Variants in MCF2 observed in about 807,000 individuals in gnomAD.
The protein encoded by MCF2 is MCF.2 cell line derived transforming sequence, also known as proto-oncogene DBL.
In MCF2, 44 loss-of-function variants were observed where a neutral mutation model predicts 82.5. That is an observed-to-expected ratio of 0.53 (90% CI 0.42 to 0.69). The LOEUF (loss-of-function observed/expected upper bound fraction) is 0.69. Ranked by LOEUF, MCF2 falls within the 30% of genes least tolerant of loss-of-function variation. MCF2 has a pLI of 0.00. For synonymous variants in MCF2, 217 were observed against 224.9 expected (o/e 0.96, Z 0.32); for missense variants, 623 against 663.1 (o/e 0.94, Z 0.66).
intron 1 of MCF2, among the ~76,000 whole-genome samples, chrX:139,639,948 ATAT>A (rs10557539): frequency 0.52 from 57,500 of 109,686 alleles, 12,040 homozygotes; most frequent in Non-Finnish European, 0.67. Context: ...TCTTATATAT[ATAT>A]TATCTTATTT....
At chrX:139,595,537 T>C (rs1929989997) in intron 19 of MCF2, among the ~76,000 whole-genome samples, 1 of 83,048 alleles carries the variant, frequency 1.2e-5, no homozygotes, top group African/African-American at 4.8e-5. Flanking sequence ...TGAGAACACA[T>C]GGACACAGGA....
At chrX:139,685,980 C>T (rs776424694) in intron 1 of MCF2, among the ~76,000 whole-genome samples, 2 of 110,395 alleles carry the variant, frequency 1.8e-5, no homozygotes, top group East Asian at 2.8e-4. Flanking sequence ...ATGCGATTCA[C>T]CACATAAATG....
chrX:139,583,569 G>C (rs1371876233), intron 24 of MCF2, among the ~76,000 whole-genome samples: 1 of 110,942 alleles, frequency 9.0e-6, no homozygotes, highest in Non-Finnish European at 1.9e-5. Context: ...TGGACACAAA[G>C]ATGGGCACAA....
At chrX:139,652,005 C>T (rs1024562214) in intron 1 of MCF2, among the ~76,000 whole-genome samples, 7 of 111,204 alleles carry the variant, frequency 6.3e-5, no homozygotes, top group African/African-American at 2.3e-4. Context: ...ACCTACTTCT[C>T]AGAATCTATG....
At chrX:139,691,760 T>TG (rs1394123159) in intron 1 of MCF2, among the ~76,000 whole-genome samples, 15 of 89,956 alleles carry the variant, frequency 1.7e-4, no homozygotes, top group Middle Eastern at 5.8e-3. Flanking sequence ...GCGGGCGAGG[T>TG]GGGGGGGTTG....
At chrX:139,687,196 C>T (rs1230006594) in intron 1 of MCF2, among the ~76,000 whole-genome samples, 1 of 112,030 alleles carries the variant, frequency 8.9e-6, no homozygotes, top group Non-Finnish European at 1.9e-5. Flanking sequence ...GAAACACTCT[C>T]CCCCAGTCAC....
chrX:139,614,348 T>C (rs915287631), intron 10 of MCF2, among the ~76,000 whole-genome samples: 2 of 111,964 alleles, frequency 1.8e-5, no homozygotes, highest in African/African-American at 6.5e-5. Context: ...CAATCCATTT[T>C]ATTATCTAAG....
chrX:139,591,880 G>C (rs1177411246), intron 19 of MCF2, among the ~76,000 whole-genome samples: 1 of 108,628 alleles, frequency 9.2e-6, no homozygotes, highest in Non-Finnish European at 1.9e-5. Flanking sequence ...TGTACCCCCT[G>C]AATCTAAAAT....
chrX:139,657,290 G>A (rs1162087295), intron 1 of MCF2, among the ~76,000 whole-genome samples: 1 of 112,265 alleles, frequency 8.9e-6, no homozygotes, highest in African/African-American at 3.2e-5. Flanking sequence ...TTAAAAGGTA[G>A]TTGTGCCAAT....
chrX:139,601,096 T>G lies in MCF2; in HGVS notation c.1836+1310A>C, dbSNP rs138695711. 3.6e-3 allele frequency among the ~76,000 whole-genome samples: 401 copies of G among 110,093 alleles called. 3 individuals carry two copies. In the East Asian group the frequency reaches 0.044, roughly 12 times the overall value. On this transcript the variant is annotated intron_variant, in intron 16 of 24. Transcript: ENST00000370576. ...AAACCTCAATGGAAGAACTAGAAAG[T>G]AGAGTAATAAGACAAAGAATGGAAA...
chrX:139,697,530 T>C (rs777871770), intron 1 of MCF2, among the ~76,000 whole-genome samples: 7 of 112,000 alleles, frequency 6.3e-5, no homozygotes, highest in Admixed American at 1.9e-4. Context: ...TAACTCCAGA[T>C]TGGCATCATG....
At chrX:139,702,288 G>A (rs1569407863) in intron 1 of MCF2, 1 of 111,519 alleles carries the variant, frequency 9.0e-6, no homozygotes, top group Non-Finnish European at 1.9e-5. Context: ...TTCCCTTCAT[G>A]TCAGACAGGT....
At chrX:139,590,785 A>G (rs917999599) in intron 19 of MCF2, among the ~76,000 whole-genome samples, 1 of 110,453 alleles carries the variant, frequency 9.1e-6, no homozygotes, top group Non-Finnish European at 1.9e-5. Flanking sequence ...GAGCCCCCCA[A>G]ATGGCCCTTA....
chrX:139,664,326 AAAAAAACCATTTTTG>A, intron 1 of MCF2, among the ~76,000 whole-genome samples: 1 of 110,420 alleles, frequency 9.1e-6, no homozygotes, highest in African/African-American at 3.4e-5. Flanking sequence ...AAAACAAAAA[AAAAAAACCATTTTTG>A]ATGTAAAATC....
intron 11 of MCF2, among the ~76,000 whole-genome samples, chrX:139,608,519 T>C (rs777253632): frequency 2.7e-5 from 3 of 111,365 alleles, no homozygotes; most frequent in Admixed American, 9.6e-5. Flanking sequence ...ATTTGAAGTG[T>C]ATTCCTGGTA....
At chrX:139,701,146 T>G (rs1156294585) in intron 1 of MCF2, among the ~76,000 whole-genome samples, 1 of 111,545 alleles carries the variant, frequency 9.0e-6, no homozygotes, top group Non-Finnish European at 1.9e-5. Flanking sequence ...GGTTTCCCAT[T>G]ATAAGATTCT....
At chrX:139,692,580 G>T (rs1008953980) in intron 1 of MCF2, among the ~76,000 whole-genome samples, 10 of 111,987 alleles carry the variant, frequency 8.9e-5, no homozygotes, top group African/African-American at 2.9e-4. Flanking sequence ...CCATTTTCGA[G>T]GGACGAAAGG....
intron 1 of MCF2, among the ~76,000 whole-genome samples, chrX:139,672,923 C>T (rs1037678814): frequency 5.4e-5 from 6 of 111,543 alleles, no homozygotes; most frequent in African/African-American, 2.0e-4. Flanking sequence ...TGGTAGAATT[C>T]GGCTGTGAAT....
chrX:139,658,421 A>G (rs1231362065), intron 1 of MCF2, among the ~76,000 whole-genome samples: 1 of 110,838 alleles, frequency 9.0e-6, no homozygotes, highest in Non-Finnish European at 1.9e-5. Context: ...TACGTTGTTA[A>G]ATGCTCCAGA....
Sources: gnomAD v4.1 joint callset for allele counts (sites outside exome capture counted in the v4.1 genomes callset) on GRCh38, gnomAD v4.1.1 for gene constraint, MANE v1.5 for transcripts, NCBI Gene and HGNC (gene_info 2026-07-23, HGNC 2026-07-21) for gene names.